Variants in STRBP observed in about 807,000 individuals in gnomAD.
The protein encoded by STRBP is spermatid perinuclear RNA-binding protein.
STRBP carries 13 observed loss-of-function variants against 80.1 expected under a neutral mutation model. The observed-to-expected ratio is 0.16, with a 90% CI of 0.11 to 0.26. The LOEUF (loss-of-function observed/expected upper bound fraction) is 0.26, where lower values mean the gene tolerates loss of function less well. Among genes scored for constraint, STRBP ranks in the 10% least tolerant of loss-of-function variants. The pLI, the probability that STRBP is intolerant of heterozygous loss-of-function variation, is 1.00. For synonymous variants in STRBP, 284 were observed against 291.2 expected (o/e 0.98, Z 0.25); for missense variants, 485 against 815.2 (o/e 0.59, Z 4.93).
At chr9:123,116,337 T>TGA (rs1317461321) in intron 2 of STRBP, among the ~76,000 whole-genome samples, 1 of 152,148 alleles carries the variant, frequency 6.6e-6, no homozygotes, top group Non-Finnish European at 1.5e-5. Context: ...CTGTCCTCCT[T>TGA]CCCACCCCTG....
intron 2 of STRBP, among the ~76,000 whole-genome samples, chr9:123,222,287 G>A (rs1451402476): frequency 6.6e-6 from 1 of 151,376 alleles, no homozygotes. Context: ...TCAGACATGT[G>A]CCCCGAGCCT....
At chr9:123,237,598 G>T (rs192313233) in intron 1 of STRBP, among the ~76,000 whole-genome samples, 1 of 151,776 alleles carries the variant, frequency 6.6e-6, no homozygotes, top group Admixed American at 6.6e-5. Flanking sequence ...CATTCGAGAT[G>T]ATACAGTCCC....
At chr9:123,154,555 G>T (rs895444575) in intron 11 of STRBP, among the ~76,000 whole-genome samples, 1 of 145,318 alleles carries the variant, frequency 6.9e-6, no homozygotes, top group Non-Finnish European at 1.5e-5. Context: ...TGGTTTTATG[G>T]GTTTGAAAGA....
At position 123,177,080 on chromosome 9, in the gene STRBP, CA is replaced by C. The variant is rs1435457373; in HGVS notation, c.224+1926del. 1.1e-4 allele frequency among the ~76,000 whole-genome samples: 16 copies of C among 152,264 alleles called. No individual in the cohort carries two copies. In the South Asian group the frequency reaches 3.3e-3, roughly 32 times the overall value. ...GAGTGGTTAACACTCACCAGGTGCA[CA>C]ATATATGTTTATTACCAGAACACAA... On this transcript the variant is annotated intron_variant, in intron 4 of 18. Coordinates refer to ENST00000348403, the MANE Select transcript of STRBP (RefSeq NM_018387.5).
chr9:123,145,765 T>C (rs2036786691), intron 13 of STRBP, among the ~76,000 whole-genome samples: 1 of 152,190 alleles, frequency 6.6e-6, no homozygotes, highest in Non-Finnish European at 1.5e-5. Flanking sequence ...TTTCCCCTCA[T>C]TGTTGGTTTT....
intron 14 of STRBP, among the ~76,000 whole-genome samples, chr9:123,137,527 C>T (rs1452862392): frequency 2.0e-5 from 3 of 152,112 alleles, no homozygotes; most frequent in Admixed American, 1.3e-4. Context: ...CCTGCCTCAG[C>T]GTCCCAAGTA....
intron 2 of STRBP, among the ~76,000 whole-genome samples, chr9:123,214,126 GTA>G (rs148518712): frequency 0.017 from 2,442 of 140,944 alleles, 71 homozygotes; most frequent in African/African-American, 0.063. Context: ...AAAGTGTGGT[GTA>G]TATATATATA....
rs575796241 is a variant in STRBP, at chr9:123,187,674, A to AT, written c.-164-3377dup. Among the ~76,000 whole-genome samples the AT allele has an allele frequency of 2.2e-3, 339 of 152,308 alleles. 2 individuals are homozygous for AT. The highest frequency in any genetic ancestry group is 4.5e-3 in the Non-Finnish European group (304 of 68,020). On this transcript the variant is annotated intron_variant, in intron 2 of 18. Transcript: ENST00000348403. ...TGAGCACTTTTTTCAATTAATGGAC[A>AT]TTATTTTCTAGAGCAGCTTTAGGTT...
Position 123,173,854 on chromosome 9 carries a change from AG to A in STRBP, c.225-13del, listed in dbSNP as rs765889893. On this transcript the variant is annotated splice_polypyrimidine_tract_variant and intron_variant, in intron 4 of 18. Coordinates refer to ENST00000348403, the MANE Select transcript of STRBP (RefSeq NM_018387.5). Reference sequence around the variant, plus strand: ...GACCACCTTGATCCCTAAAAATAAAAGTCTGCATGATTACTTTCACAACCTA... The same window carrying A: ...GACCACCTTGATCCCTAAAAATAAAATCTGCATGATTACTTTCACAACCTA... 141 of 1,583,518 alleles carry A rather than the reference AG, an allele frequency of 8.9e-5. No homozygotes were observed. Among genetic ancestry groups the A allele is most frequent in the Non-Finnish European group, 1.2e-4 (137 of 1,169,784 alleles).
intron 1 of STRBP, among the ~76,000 whole-genome samples, chr9:123,250,899 C>T (rs1311859706): frequency 6.6e-6 from 1 of 152,184 alleles, no homozygotes; most frequent in African/African-American, 2.4e-5. Context: ...AGGAGGATGG[C>T]TTGTAGCCAA....
chr9:123,252,401 C>G (rs2040936808), intron 1 of STRBP, among the ~76,000 whole-genome samples: 1 of 152,126 alleles, frequency 6.6e-6, no homozygotes, highest in African/African-American at 2.4e-5. Flanking sequence ...TAGTAAGTGA[C>G]AAAGACTTGA....
At position 123,115,876 on chromosome 9, in the gene STRBP, C is replaced by G. The variant is rs1212761909; in HGVS notation, c.*84+53G>C. ...TGCCCCACTGGCTTCCCATAATTGTCTTTCACCCTTTGGAACCACATACAA... is the reference window on the plus strand; with the variant it reads ...TGCCCCACTGGCTTCCCATAATTGTGTTTCACCCTTTGGAACCACATACAA... On this transcript the variant is annotated intron_variant and NMD_transcript_variant, in intron 3 of 3. Coordinates refer to the STRBP transcript ENST00000471564. This position sits in a 1 kb window ranked among gnomAD's most constrained non-coding sequence, Gnocchi z 5.0. 1 of 373,512 alleles carries G rather than the reference C, an allele frequency of 2.7e-6. No homozygotes were observed. The highest frequency in any genetic ancestry group is 5.3e-6 in the Non-Finnish European group (1 of 189,316). 23.1% of individuals were successfully genotyped at this position (373,512 alleles called of 1,614,324 possible).
At chr9:123,227,009 T>C (rs1000438401) in intron 2 of STRBP, among the ~76,000 whole-genome samples, 1 of 152,148 alleles carries the variant, frequency 6.6e-6, no homozygotes, top group Non-Finnish European at 1.5e-5. Context: ...AGCCTCAAGT[T>C]CTTTTATAAT....
intron 2 of STRBP, among the ~76,000 whole-genome samples, chr9:123,203,710 A>G (rs924165566): frequency 2.0e-5 from 3 of 151,812 alleles, no homozygotes; most frequent in Admixed American, 2.0e-4. Context: ...GGTGGCTCAC[A>G]CCTGTAATCC....
intron 2 of STRBP, among the ~76,000 whole-genome samples, chr9:123,197,546 G>A (rs142781545): frequency 4.0e-5 from 6 of 151,526 alleles, no homozygotes; most frequent in African/African-American, 1.2e-4. Flanking sequence ...ATATCACTCC[G>A]TATGCCTTTG....
downstream of STRBP, among the ~76,000 whole-genome samples, chr9:123,117,697 C>T (rs565859268): frequency 6.6e-5 from 10 of 152,354 alleles, 1 homozygote; most frequent in South Asian, 1.7e-3. Flanking sequence ...CCCCTCTGTG[C>T]TCCTCTTCCT....
intron 13 of STRBP, among the ~76,000 whole-genome samples, chr9:123,142,708 T>C (rs1317448257): frequency 1.3e-5 from 2 of 152,212 alleles, no homozygotes; most frequent in Non-Finnish European, 2.9e-5. Flanking sequence ...CTGAGGTCTC[T>C]TTTCCCTATT....
intron 1 of STRBP, among the ~76,000 whole-genome samples, chr9:123,258,431 G>GTCTT (rs1313444347): frequency 6.6e-6 from 1 of 152,200 alleles, no homozygotes; most frequent in Non-Finnish European, 1.5e-5. Context: ...CCAAGCAAAT[G>GTCTT]TCTGAAAAAC....
Position 123,221,122 on chromosome 9 carries a change from C to T in STRBP, c.-165+15708G>A, listed in dbSNP as rs141602866. Among the ~76,000 whole-genome samples, 41 of 152,206 alleles carry T rather than the reference C, an allele frequency of 2.7e-4. No homozygotes were observed. In the East Asian group the frequency reaches 5.6e-3, roughly 21 times the overall value. The stretch of plus-strand genomic sequence containing the variant: ...AAGCTGGGTGAAGCGTTGGGTCTCT[C>T]GGGCCTGCCTGTGTTTCAGGTCATA... On this transcript the variant is annotated intron_variant, in intron 2 of 18. Transcript: ENST00000348403.
Sources: allele counts gnomAD v4.1 joint callset (sites outside exome capture counted in the v4.1 genomes callset), GRCh38; gene constraint gnomAD v4.1.1; non-coding constraint Gnocchi (gnomAD v3.1); transcripts MANE v1.5; gene names NCBI Gene and HGNC (gene_info 2026-07-23, HGNC 2026-07-21).